The following PCTP variants were observed in gnomAD, a reference collection of about 807,000 sequenced individuals.
PCTP encodes phosphatidylcholine transfer protein.
In PCTP, 27 loss-of-function variants were observed where a neutral mutation model predicts 31.0. That is an observed-to-expected ratio of 0.87 (90% CI 0.64 to 1.20). PCTP has a LOEUF of 1.20. Among genes scored for constraint, PCTP ranks in the 50% most tolerant of loss-of-function variants. The pLI is 0.00. For synonymous variants in PCTP, 108 were observed against 101.2 expected (o/e 1.07, Z -0.40); for missense variants, 287 against 268.2 (o/e 1.07, Z -0.49).
At chr17:55,825,436 A>C (rs1252672748), downstream of PCTP, among the ~76,000 whole-genome samples, 1 of 152,244 alleles carries the variant, frequency 6.6e-6, no homozygotes, top group Non-Finnish European at 1.5e-5. Flanking sequence ...TGTTACTGCC[A>C]TCTAGTGATG....
At chr17:55,839,919 C>CAAAAAAAAAAAAAAAAAA (rs57402824) in intron 5 of PCTP, among the ~76,000 whole-genome samples, 2 of 12,506 alleles carry the variant, frequency 1.6e-4, no homozygotes, top group Non-Finnish European at 1.6e-4. Flanking sequence ...GACTCAGTCT[C>CAAAAAAAAAAAAAAAAAA]AAAAAAAAAA....
At chr17:55,820,798 AG>A (rs1567730675) in intron 3 of PCTP, among the ~76,000 whole-genome samples, 1 of 152,226 alleles carries the variant, frequency 6.6e-6, no homozygotes, top group Non-Finnish European at 1.5e-5. Context: ...ATTAGCAATC[AG>A]GGATGTGCAA....
chr17:55,786,626 G>GT (rs1308157742), intron 2 of PCTP, among the ~76,000 whole-genome samples: 1 of 152,088 alleles, frequency 6.6e-6, no homozygotes, highest in African/African-American at 2.4e-5. Flanking sequence ...CTCAAATCCA[G>GT]TTAAAATTGT....
chr17:55,803,213 CA>C (rs1912448622), intron 3 of PCTP, among the ~76,000 whole-genome samples: 1 of 151,972 alleles, frequency 6.6e-6, no homozygotes, highest in Non-Finnish European at 1.5e-5. Flanking sequence ...TAAGAGAGGA[CA>C]TAAACAAATG....
chr17:55,751,453 G>A (rs1293737255), intron 1 of PCTP: 1 of 1,533,068 alleles, frequency 6.5e-7, no homozygotes, highest in African/African-American at 1.4e-5. Context: ...AGGGGAGTTG[G>A]AAGGTCACAG....
downstream of PCTP, among the ~76,000 whole-genome samples, chr17:55,779,008 C>G (rs1911464925): frequency 2.0e-5 from 3 of 152,270 alleles, no homozygotes; most frequent in African/African-American, 7.2e-5. Context: ...TAATGCCTGC[C>G]CTTCCAACCT....
At chr17:55,829,704 AC>A (rs1905531420) in intron 5 of PCTP, among the ~76,000 whole-genome samples, 2 of 151,954 alleles carry the variant, frequency 1.3e-5, no homozygotes, top group Non-Finnish European at 2.9e-5. Flanking sequence ...ACACACACAC[AC>A]ACACACACAC....
At chr17:55,796,290 A>C (rs1912186176) in intron 3 of PCTP, among the ~76,000 whole-genome samples, 1 of 152,158 alleles carries the variant, frequency 6.6e-6, no homozygotes, top group East Asian at 1.9e-4. Context: ...TAAATTTTTA[A>C]ACATGGACAT....
intron 2 of PCTP, among the ~76,000 whole-genome samples, chr17:55,785,534 T>C (rs1911717124): frequency 1.3e-5 from 2 of 152,238 alleles, no homozygotes; most frequent in Admixed American, 6.5e-5. Flanking sequence ...CAATGCCTCA[T>C]TTATTTAGAT....
Position 55,792,467 on chromosome 17 carries a change from AAAAAT to A in PCTP, c.317+4835_317+4839del, listed in dbSNP as rs1001859912. 1.7e-4 allele frequency among the ~76,000 whole-genome samples: 26 copies of A among 152,138 alleles called. No individual in the cohort carries two copies. The South Asian group carries it at 1.9e-3, about 11-fold the overall frequency. ...TTGATACAAAATAAATTCTCCACAGAAAAATAAAATAAAATAAAATAAAATATCTC... is the reference window on the plus strand; with the variant it reads ...TTGATACAAAATAAATTCTCCACAGAAAAATAAAATAAAATAAAATATCTC... On this transcript the variant is annotated intron_variant, in intron 3 of 3. Transcript: ENST00000572536.
downstream of PCTP, among the ~76,000 whole-genome samples, chr17:55,782,116 C>G (rs951521718): frequency 6.6e-6 from 1 of 152,214 alleles, no homozygotes; most frequent in African/African-American, 2.4e-5. Flanking sequence ...GCCAGAAACA[C>G]CAGTATCTCA....
chr17:55,778,620 T>TGGGCGG (rs5821105), downstream of PCTP, among the ~76,000 whole-genome samples: 31,666 of 150,882 alleles, frequency 0.21, 3,878 homozygotes, highest in African/African-American at 0.35. Context: ...GGGTGCGGGG[T>TGGGCGG]GGGCGGTTTC....
downstream of PCTP, among the ~76,000 whole-genome samples, chr17:55,826,486 G>A (rs911068315): frequency 6.6e-6 from 1 of 151,684 alleles, no homozygotes; most frequent in Non-Finnish European, 1.5e-5. Flanking sequence ...AAAAAAGAAG[G>A]TGATCTGATC....
chr17:55,756,569 C>T (rs1299490861), intron 1 of PCTP, among the ~76,000 whole-genome samples: 2 of 152,188 alleles, frequency 1.3e-5, no homozygotes, highest in Admixed American at 1.3e-4. Flanking sequence ...TCAGGTTTAA[C>T]TGGTCTAGGG....
intron 3 of PCTP, among the ~76,000 whole-genome samples, chr17:55,788,023 T>C (rs935683429): frequency 1.3e-5 from 2 of 152,208 alleles, no homozygotes; most frequent in African/African-American, 4.8e-5. Context: ...CAATGCTGTC[T>C]AAGTCTGGTT....
chr17:55,851,707 AT>A, the PCTP span, among the ~76,000 whole-genome samples: 3 of 151,984 alleles, frequency 2.0e-5, no homozygotes, highest in African/African-American at 4.8e-5. Context: ...CAATGGATTT[AT>A]TTTTTTTCTG....
intron 3 of PCTP, among the ~76,000 whole-genome samples, chr17:55,799,228 AAG>A (rs1292913962): frequency 6.6e-6 from 1 of 152,014 alleles, no homozygotes; most frequent in African/African-American, 2.4e-5. Flanking sequence ...TTTAGATGAA[AAG>A]AGAAGCACAA....
downstream of PCTP, among the ~76,000 whole-genome samples, chr17:55,823,359 G>T (rs1905296143): frequency 6.6e-6 from 1 of 152,040 alleles, no homozygotes. Context: ...TACACCCAAA[G>T]TTAAAATTTC....
Position 55,773,881 on chromosome 17 carries a change from A to G in PCTP, c.497A>G (p.Lys166Arg). 6.2e-7 allele frequency: 1 copy of G among 1,607,166 alleles called. No individual in the cohort carries two copies. ...AGCCTGGCGATCGAGAGTGACGGCA[A>G]GAAGGGGAGCAAAGGTAAAACCCAT... ...KQSLAIESDG[K>R]KGSKVFMYYF... Residue 166 changes from lysine to arginine, a missense_variant, in exon 4 of 6, where the codon AAG becomes AGG. Lys to Arg is a conservative substitution (Grantham distance 26, BLOSUM62 2). Coordinates refer to ENST00000268896, the MANE Select transcript of PCTP (RefSeq NM_021213.4).
Sources: allele counts gnomAD v4.1 joint callset (sites outside exome capture counted in the v4.1 genomes callset), GRCh38; gene constraint gnomAD v4.1.1; transcripts MANE v1.5; gene names NCBI Gene and HGNC (gene_info 2026-07-23, HGNC 2026-07-21).